The following ABLIM1 variants were observed in gnomAD, a reference collection of about 807,000 sequenced individuals.
ABLIM1 encodes the protein actin-binding LIM protein 1.
Under a neutral mutation model 107.0 loss-of-function variants are expected in ABLIM1, and 40 were observed. The observed-to-expected ratio is 0.37, with a 90% CI of 0.29 to 0.49. The LOEUF (loss-of-function observed/expected upper bound fraction) is 0.49, where lower values mean the gene tolerates loss of function less well. ABLIM1 is among the 20% of genes least tolerant of loss of function. ABLIM1 has a pLI of 0.97. For missense variants in ABLIM1, 857 were observed against 1,008.5 expected, an observed-to-expected ratio of 0.85 and a Z score of 2.04; for synonymous variants, 357 against 357.3, an observed-to-expected ratio of 1.00 and a Z score of 0.01.
intron 5 of ABLIM1, 134 bp from the exon 6 acceptor site, chr10:114,545,232 G>A: frequency 1.3e-6 from 1 of 779,374 alleles, no homozygotes; most frequent in Admixed American, 2.1e-5. Context: ...TCACATGCCT[G>A]GCAATCCAGT....
chr10:114,475,375 T>A (rs537048004), intron 8 of ABLIM1, among the ~76,000 whole-genome samples: 1 of 152,226 alleles, frequency 6.6e-6, no homozygotes, highest in East Asian at 1.9e-4. Flanking sequence ...TCTCTCATAG[T>A]GTCATTCTTT....
chr10:114,681,857 G>A (rs563850062), intron 1 of ABLIM1, among the ~76,000 whole-genome samples: 2 of 152,302 alleles, frequency 1.3e-5, no homozygotes, highest in African/African-American at 2.4e-5. Context: ...CCTGGGGCAC[G>A]TTCCTGGCAA....
chr10:114,757,689 T>C (rs2082661632), intron 1 of ABLIM1, among the ~76,000 whole-genome samples: 2 of 152,224 alleles, frequency 1.3e-5, no homozygotes, highest in South Asian at 4.1e-4. Flanking sequence ...ACCATTACGG[T>C]AGCCTCCTAA....
At chr10:114,603,953 C>CAA (rs56037072) in intron 1 of ABLIM1, among the ~76,000 whole-genome samples, 77 of 131,306 alleles carry the variant, frequency 5.9e-4, no homozygotes, top group South Asian at 7.1e-4. Context: ...GACTTTGTCT[C>CAA]AAAAAAAAAA....
intron 4 of ABLIM1, among the ~76,000 whole-genome samples, chr10:114,559,713 G>A (rs1288230560): frequency 6.6e-6 from 1 of 152,180 alleles, no homozygotes; most frequent in Non-Finnish European, 1.5e-5. Flanking sequence ...GAGCCACAAA[G>A]GACTTTGTAT....
intron 1 of ABLIM1, among the ~76,000 whole-genome samples, chr10:114,649,126 G>C (rs752460470): frequency 6.6e-6 from 1 of 152,008 alleles, no homozygotes; most frequent in Non-Finnish European, 1.5e-5. Context: ...GGCTGGGCAC[G>C]GTGGCTCACA....
chr10:114,784,073 C>A, the ABLIM1 span, among the ~76,000 whole-genome samples: 132 of 151,968 alleles, frequency 8.7e-4, no homozygotes, highest in Non-Finnish European at 7.2e-4. Flanking sequence ...ATGGGCCGGG[C>A]GCAGTGGCTC....
chr10:114,463,544 C>T (rs965081656), intron 12 of ABLIM1, among the ~76,000 whole-genome samples: 1 of 151,186 alleles, frequency 6.6e-6, no homozygotes, highest in African/African-American at 2.4e-5. Context: ...AAAAAAATGA[C>T]AATCATTGTA....
chr10:114,602,081 A>G (rs2277265), intron 1 of ABLIM1, 120 bp from the exon 2 acceptor site: 358,946 of 1,308,744 alleles, frequency 0.27, 59,001 homozygotes, highest in African/African-American at 0.75. Flanking sequence ...GACAGTGTGA[A>G]CAGAGCAGTC....
chr10:114,791,059 C>T, the ABLIM1 span, among the ~76,000 whole-genome samples: 1 of 152,078 alleles, frequency 6.6e-6, no homozygotes, highest in Non-Finnish European at 1.5e-5. Flanking sequence ...TCATGATCTG[C>T]TTTAATTTTA....
At chr10:114,666,684 A>G (rs1401161869) in intron 1 of ABLIM1, among the ~76,000 whole-genome samples, 2 of 152,182 alleles carry the variant, frequency 1.3e-5, no homozygotes, top group African/African-American at 4.8e-5. Context: ...TCCCTCATGT[A>G]TATATCAAAT....
chr10:114,545,946 A>AC lies in ABLIM1; in HGVS notation c.801-849_801-848insG, dbSNP rs1244644778. Among the ~76,000 whole-genome samples the AC allele has an allele frequency of 2.7e-5, 4 of 149,510 alleles. No homozygotes were observed. The South Asian group carries it at 6.4e-4, about 24-fold the overall frequency. ...ACCCCATCTCAAAAAAAAAAAACAAAAAAAAAAAACAAGAACACTGAGCCC... is the reference window on the plus strand; with the variant it reads ...ACCCCATCTCAAAAAAAAAAAACAAACAAAAAAAAACAAGAACACTGAGCCC... On this transcript the variant is annotated intron_variant, in intron 5 of 22. Coordinates refer to ENST00000533213, the MANE Select transcript of ABLIM1 (RefSeq NM_002313.7).
chr10:114,542,552 G>A (rs893333490), intron 6 of ABLIM1, among the ~76,000 whole-genome samples: 1 of 151,416 alleles, frequency 6.6e-6, no homozygotes, highest in Non-Finnish European at 1.5e-5. Context: ...GAGAAGGGAG[G>A]AGGAGGGAAG....
In ABLIM1 at chr10:114,441,188, G is replaced by A. The variant is rs983349679; in HGVS notation, c.1999-111C>T. 16 of 1,158,490 alleles carry A rather than the reference G, an allele frequency of 1.4e-5. No individual in the cohort carries two copies. The African/African-American group carries it at 2.2e-4, about 16-fold the overall frequency. The allele number at this position is 1,158,490 out of a possible 1,614,324, so 71.8% of individuals were successfully genotyped here. ...CCTAGGAATTCTTCCCAAGCTAAAT[G>A]TCAGACCTTCATTTTTTTTTTCCCT... On this transcript the variant is annotated intron_variant, in intron 18 of 22. Transcript: ENST00000533213.
intron 1 of ABLIM1, among the ~76,000 whole-genome samples, chr10:114,723,181 G>A (rs1566274832): frequency 6.6e-6 from 1 of 152,178 alleles, no homozygotes; most frequent in South Asian, 2.1e-4. Context: ...TTTGGTGAGG[G>A]AGAGAAACTG....
chr10:114,728,784 T>A (rs1016402759), intron 1 of ABLIM1, among the ~76,000 whole-genome samples: 5 of 152,216 alleles, frequency 3.3e-5, no homozygotes, highest in Admixed American at 2.0e-4. Context: ...GGGAGGGGCC[T>A]GTAGGAGAAT....
intron 1 of ABLIM1, among the ~76,000 whole-genome samples, chr10:114,724,777 G>C (rs2081922734): frequency 6.6e-6 from 1 of 152,080 alleles, no homozygotes; most frequent in Non-Finnish European, 1.5e-5. Context: ...CCTAAGGAGA[G>C]ACTCAAAGAA....
At chr10:114,467,113 T>G (rs6585282) in intron 11 of ABLIM1, among the ~76,000 whole-genome samples, 8 of 152,058 alleles carry the variant, frequency 5.3e-5, no homozygotes, top group African/African-American at 1.2e-4. Context: ...GAGCCAAGAT[T>G]GTGCCACTAC....
chr10:114,607,525 C>T (rs1288170556), intron 1 of ABLIM1, among the ~76,000 whole-genome samples: 1 of 152,174 alleles, frequency 6.6e-6, no homozygotes, highest in Non-Finnish European at 1.5e-5. Flanking sequence ...AGAAATCTGA[C>T]AGACAATGCC....
Sources: allele counts gnomAD v4.1 joint callset (sites outside exome capture counted in the v4.1 genomes callset), GRCh38; gene constraint gnomAD v4.1.1; transcripts MANE v1.5; gene names NCBI Gene and HGNC (gene_info 2026-07-23, HGNC 2026-07-21).